The following NRG3 variants were observed in gnomAD, a reference collection of about 807,000 sequenced individuals.
NRG3 encodes pro-neuregulin-3, membrane-bound isoform.
In NRG3, 31 loss-of-function variants were observed where a neutral mutation model predicts 66.9. The ratio of observed to expected loss-of-function variants is 0.46; its 90% CI spans 0.35 to 0.63. The LOEUF is 0.63. Ranked by LOEUF, NRG3 falls within the 20% of genes least tolerant of loss-of-function variation. NRG3 has a pLI of 0.00. For synonymous variants in NRG3, 393 were observed against 359.4 expected (o/e 1.09, Z -1.06); for missense variants, 910 against 878.9 (o/e 1.04, Z -0.45).
chr10:82,762,103 G>A (rs1015046916), intron 3 of NRG3, among the ~76,000 whole-genome samples: 2 of 149,366 alleles, frequency 1.3e-5, no homozygotes, highest in African/African-American at 2.5e-5. Context: ...GCCTAGGTGG[G>A]AGTGCAGTGG....
At chr10:82,572,589 GT>G (rs571623201) in intron 2 of NRG3, among the ~76,000 whole-genome samples, 2 of 148,530 alleles carry the variant, frequency 1.3e-5, no homozygotes, top group South Asian at 2.1e-4. Flanking sequence ...CAATCAGGTG[GT>G]TTTTTTTGTG....
intron 1 of NRG3, among the ~76,000 whole-genome samples, chr10:82,108,597 G>A (rs910875470): frequency 2.0e-5 from 3 of 152,148 alleles, no homozygotes; most frequent in Non-Finnish European, 4.4e-5. Context: ...AGTATTGTGA[G>A]ACAAACAAGG....
At position 82,541,343 on chromosome 10, in the gene NRG3, G is replaced by A. The variant is rs142107040; in HGVS notation, c.953+182475G>A. Among the ~76,000 whole-genome samples, 50 of 152,088 alleles carry A rather than the reference G, an allele frequency of 3.3e-4. No homozygotes were observed. The East Asian group carries it at 9.1e-3, about 28-fold the overall frequency. On this transcript the variant is annotated intron_variant, in intron 2 of 8. Coordinates refer to ENST00000372141, the MANE Select transcript of NRG3 (RefSeq NM_001010848.4). ...GACGATCCACAGACAAGAACCCCTC[G>A]GACACCGAGTTGTGGAAGGAAAGGC... is the stretch of plus-strand genomic sequence containing the variant.
intron 1 of NRG3, among the ~76,000 whole-genome samples, chr10:82,022,137 A>G (rs188114795): frequency 6.6e-6 from 1 of 152,158 alleles, no homozygotes; most frequent in East Asian, 1.9e-4. Flanking sequence ...TTCCAATGAT[A>G]AGGAATTTAG....
intron 3 of NRG3, among the ~76,000 whole-genome samples, chr10:82,751,974 C>T (rs979131337): frequency 8.5e-5 from 13 of 152,232 alleles, no homozygotes; most frequent in African/African-American, 2.6e-4. Flanking sequence ...TTGGTTACCA[C>T]TACATCTCAA....
chr10:82,292,685 T>C (rs1011473797), intron 1 of NRG3, among the ~76,000 whole-genome samples: 1 of 152,180 alleles, frequency 6.6e-6, no homozygotes, highest in Admixed American at 6.5e-5. Flanking sequence ...GTTGATACAG[T>C]CAACAACTTA....
intron 2 of NRG3, among the ~76,000 whole-genome samples, chr10:82,612,620 A>G (rs575971309): frequency 1.8e-4 from 27 of 152,276 alleles, no homozygotes; most frequent in African/African-American, 6.3e-4. Context: ...GCAGTTTAAA[A>G]TGAATGTCTT....
At chr10:82,510,216 A>G (rs112435278) in intron 2 of NRG3, among the ~76,000 whole-genome samples, 1,527 of 152,186 alleles carry the variant, frequency 0.01, 17 homozygotes, top group Non-Finnish European at 0.016. Flanking sequence ...AATGATATCT[A>G]TTTCACACAC....
rs138533781 is a variant in NRG3 at position 82,325,212 on chromosome 10, C to T, written c.824-33527C>T. ...CCTTTTTTTTTTGGAGACAGGTTTTCACACCGTTGCCCAGGCTGGAGTGCA... is the reference window on the plus strand; with the variant it reads ...CCTTTTTTTTTTGGAGACAGGTTTTTACACCGTTGCCCAGGCTGGAGTGCA... On this transcript the variant is annotated intron_variant, in intron 1 of 8. Coordinates refer to ENST00000372141, the MANE Select transcript of NRG3 (RefSeq NM_001010848.4). Among the ~76,000 whole-genome samples, 758 of 151,290 alleles carry T rather than the reference C, an allele frequency of 5.0e-3. 14 individuals carry two copies. Among genetic ancestry groups the T allele is most frequent in the Admixed American group, 0.033 (502 of 15,170 alleles).
intron 2 of NRG3, among the ~76,000 whole-genome samples, chr10:82,635,632 C>T (rs145118873): frequency 6.6e-6 from 1 of 152,132 alleles, no homozygotes; most frequent in Non-Finnish European, 1.5e-5. Context: ...CTCGACGTAG[C>T]AGAAGCTAAA....
At chr10:82,882,079 C>T (rs1842349395) in intron 4 of NRG3, among the ~76,000 whole-genome samples, 1 of 152,188 alleles carries the variant, frequency 6.6e-6, no homozygotes, top group African/African-American at 2.4e-5. Flanking sequence ...TTTTAACACG[C>T]CGTGATTGTC....
intron 2 of NRG3, among the ~76,000 whole-genome samples, chr10:82,475,969 T>A (rs1225902346): frequency 6.6e-6 from 1 of 151,710 alleles, no homozygotes; most frequent in Non-Finnish European, 1.5e-5. Flanking sequence ...CCAAAATATA[T>A]AGAGTTCCTA....
intron 2 of NRG3, among the ~76,000 whole-genome samples, chr10:82,491,951 G>A (rs182639829): frequency 1.8e-4 from 28 of 152,276 alleles, no homozygotes; most frequent in Admixed American, 7.2e-4. Flanking sequence ...TCATTCATAA[G>A]TATTTTCTTC....
At chr10:82,804,304 A>G (rs891484731) in intron 3 of NRG3, among the ~76,000 whole-genome samples, 33 of 152,370 alleles carry the variant, frequency 2.2e-4, no homozygotes, top group African/African-American at 7.7e-4. Context: ...GAAATTCTGA[A>G]GAAGGCAAAA....
intron 1 of NRG3, among the ~76,000 whole-genome samples, chr10:82,002,805 A>G (rs1050685142): frequency 1.3e-5 from 2 of 152,090 alleles, no homozygotes; most frequent in African/African-American, 4.8e-5. Context: ...TCTTTGTTTC[A>G]GCTTCCTTTG....
At chr10:82,430,776 T>C (rs916825525) in intron 2 of NRG3, among the ~76,000 whole-genome samples, 1 of 152,192 alleles carries the variant, frequency 6.6e-6, no homozygotes, top group Non-Finnish European at 1.5e-5. Flanking sequence ...TGTCAGCTAA[T>C]GGTTGGAATA....
intron 1 of NRG3, among the ~76,000 whole-genome samples, chr10:82,031,843 G>A (rs1259862159): frequency 6.6e-6 from 1 of 152,126 alleles, no homozygotes; most frequent in Admixed American, 6.5e-5. Flanking sequence ...TTCCCCACAA[G>A]TAGACTTTGG....
intron 3 of NRG3, among the ~76,000 whole-genome samples, chr10:82,824,748 ACT>A (rs1335785800): frequency 6.8e-6 from 1 of 146,576 alleles, no homozygotes; most frequent in Admixed American, 6.9e-5. Context: ...GCAGGGTCTC[ACT>A]CTGTCACCCA....
chr10:82,012,420 T>G (rs566707178), intron 1 of NRG3, among the ~76,000 whole-genome samples: 37 of 152,196 alleles, frequency 2.4e-4, no homozygotes, highest in Non-Finnish European at 4.4e-4. Flanking sequence ...TGACATGCCA[T>G]GGAGACATTT....
Sources: gnomAD v4.1 joint callset for allele counts (sites outside exome capture counted in the v4.1 genomes callset) on GRCh38, gnomAD v4.1.1 for gene constraint, MANE v1.5 for transcripts, NCBI Gene and HGNC (gene_info 2026-07-23, HGNC 2026-07-21) for gene names.